The following COBL variants were observed in gnomAD, a reference collection of about 807,000 sequenced individuals.
COBL encodes cordon-bleu WH2 repeat protein, also known as protein cordon-bleu.
A neutral mutation model predicts 98.8 loss-of-function variants in COBL; 51 were observed. That is an observed-to-expected ratio of 0.52 (90% CI 0.41 to 0.65). The LOEUF is 0.65. Ranked by LOEUF, COBL falls within the 30% of genes least tolerant of loss-of-function variation. The pLI, the probability that COBL is intolerant of heterozygous loss-of-function variation, is 0.00. For synonymous variants in COBL, 634 were observed against 651.7 expected (o/e 0.97, Z 0.41); for missense variants, 1,617 against 1,617.5 (o/e 1.00, Z 0.01).
chr7:51,060,053 T>G (rs1791173866), intron 7 of COBL, among the ~76,000 whole-genome samples: 2 of 151,854 alleles, frequency 1.3e-5, no homozygotes, highest in South Asian at 4.2e-4. Flanking sequence ...CCTCCATGAG[T>G]CGATCTGATC....
chr7:51,023,008 G>A (rs1787099197), intron 12 of COBL: 1 of 152,140 alleles, frequency 6.6e-6, no homozygotes, highest in South Asian at 2.1e-4. Context: ...TGTACCCTGG[G>A]ATCAGTAGAG....
chr7:51,043,762 C>T lies in COBL; in HGVS notation c.1097-70G>A, dbSNP rs2128889530. The stretch of plus-strand genomic sequence containing the variant: ...CGTCCATACTGCCTAACAAGTGTGA[C>T]ATCAGTCTGTCGGCCCCGCTCTAAA... On this transcript the variant is annotated intron_variant, in intron 7 of 12. Coordinates refer to ENST00000265136, the MANE Select transcript of COBL (RefSeq NM_015198.5). 4 of 1,380,518 alleles carry T rather than the reference C, an allele frequency of 2.9e-6. No homozygotes were observed. The East Asian group carries it at 9.2e-5, about 32-fold the overall frequency. 85.5% of individuals were successfully genotyped at this position (1,380,518 alleles called of 1,614,324 possible).
intron 6 of COBL, among the ~76,000 whole-genome samples, chr7:51,119,100 T>C (rs114577876): frequency 0.023 from 3,535 of 152,220 alleles, 135 homozygotes; most frequent in African/African-American, 0.076. Context: ...TTCAGACACA[T>C]AAAAAGGTTA....
intron 5 of COBL, among the ~76,000 whole-genome samples, chr7:51,171,523 G>A (rs756402169): frequency 3.3e-5 from 5 of 152,064 alleles, no homozygotes; most frequent in Non-Finnish European, 7.4e-5. Flanking sequence ...AGTAAATCAC[G>A]TTCAAACACA....
At chr7:51,185,200 G>A (rs144718750) in intron 4 of COBL, among the ~76,000 whole-genome samples, 12 of 152,330 alleles carry the variant, frequency 7.9e-5, no homozygotes, top group African/African-American at 2.6e-4. Context: ...TTCCCAAAGC[G>A]AGATGGAACC....
chr7:51,237,078 A>T (rs1795323640), intron 1 of COBL, among the ~76,000 whole-genome samples: 1 of 152,162 alleles, frequency 6.6e-6, no homozygotes, highest in South Asian at 2.1e-4. Context: ...TTTCAAATCA[A>T]AACAGAAATG....
intron 6 of COBL, among the ~76,000 whole-genome samples, chr7:51,086,373 A>G (rs1794245126): frequency 6.6e-6 from 1 of 151,278 alleles, no homozygotes; most frequent in Non-Finnish European, 1.5e-5. Context: ...AAAAAAAAAA[A>G]AAAAAAAAAA....
intron 1 of COBL, among the ~76,000 whole-genome samples, chr7:51,243,231 C>T (rs928608485): frequency 2.0e-5 from 3 of 152,168 alleles, no homozygotes; most frequent in Non-Finnish European, 2.9e-5. Context: ...GTTGTGGCCT[C>T]GCTGCACTGA....
chr7:51,074,591 T>C (rs534061422), intron 7 of COBL, among the ~76,000 whole-genome samples: 22 of 152,352 alleles, frequency 1.4e-4, no homozygotes, highest in Non-Finnish European at 2.4e-4. Flanking sequence ...TTCTTCAACA[T>C]GGTTTTTATA....
rs368250774 is a variant in COBL at position 51,208,323 on chromosome 7, C to T, written c.245+11418G>A. ...GAGCGTCTCCGCCCGGCAGCCACCC[C>T]GTCCAGGAGGGAGGTAGGGGGTCAG... On this transcript the variant is annotated intron_variant, in intron 2 of 12. Transcript: ENST00000265136. 8.0e-3 allele frequency among the ~76,000 whole-genome samples: 1,216 copies of T among 151,694 alleles called. 63 individuals are homozygous for T. The South Asian group carries it at 0.14, about 18-fold the overall frequency.
chr7:51,206,457 A>G (rs1348857625), intron 2 of COBL, among the ~76,000 whole-genome samples: 1 of 148,634 alleles, frequency 6.7e-6, no homozygotes, highest in Non-Finnish European at 1.5e-5. Flanking sequence ...GCGCCACTAT[A>G]TTCCAGCCTG....
chr7:51,289,193 T>C (rs1180686780), intron 1 of COBL, among the ~76,000 whole-genome samples: 1 of 152,254 alleles, frequency 6.6e-6, no homozygotes, highest in Non-Finnish European at 1.5e-5. Flanking sequence ...AATAGTCTTT[T>C]CAACAAATGA....
At chr7:51,179,047 T>C (rs956548644) in intron 5 of COBL, among the ~76,000 whole-genome samples, 1 of 152,246 alleles carries the variant, frequency 6.6e-6, no homozygotes, top group Non-Finnish European at 1.5e-5. Flanking sequence ...TTGACAAACT[T>C]CCTAAAATGA....
intron 12 of COBL, among the ~76,000 whole-genome samples, chr7:51,018,896 AAAAAAAAAAATATATATATAT>A (rs1562795516): frequency 5.9e-5 from 3 of 51,160 alleles, no homozygotes; most frequent in African/African-American, 2.4e-4. Context: ...CATCTCAAAA[AAAAAAAAAAATATATATATAT>A]ATATATATAT....
intron 12 of COBL, among the ~76,000 whole-genome samples, chr7:51,023,700 C>G (rs976269700): frequency 6.6e-6 from 1 of 152,244 alleles, no homozygotes; most frequent in Non-Finnish European, 1.5e-5. Context: ...ATTCTCAGTG[C>G]CCCGAGGCTT....
At chr7:51,314,197 G>A (rs1295693353) in intron 1 of COBL, among the ~76,000 whole-genome samples, 1 of 152,170 alleles carries the variant, frequency 6.6e-6, no homozygotes, top group Non-Finnish European at 1.5e-5. Flanking sequence ...GTGAAATCTC[G>A]TTAATTCACT....
At chr7:51,310,008 A>AGCCTGAGACCCCAGGTGAG (rs1276411947) in intron 1 of COBL, among the ~76,000 whole-genome samples, 1 of 152,248 alleles carries the variant, frequency 6.6e-6, no homozygotes, top group Non-Finnish European at 1.5e-5. Flanking sequence ...TGAGAGAGAA[A>AGCCTGAGACCCCAGGTGAG]GCCTGAGACC....
At chr7:51,301,384 G>C (rs1021293164) in intron 1 of COBL, among the ~76,000 whole-genome samples, 1 of 152,140 alleles carries the variant, frequency 6.6e-6, no homozygotes, top group Non-Finnish European at 1.5e-5. Flanking sequence ...ACTCTGTGAC[G>C]GGGAACTGCC....
chr7:51,202,478 A>T (rs1791225307), intron 2 of COBL, among the ~76,000 whole-genome samples: 1 of 152,222 alleles, frequency 6.6e-6, no homozygotes, highest in Non-Finnish European at 1.5e-5. Flanking sequence ...ATAGGAAAAA[A>T]CATGGTATAT....
Sources: allele counts gnomAD v4.1 joint callset (sites outside exome capture counted in the v4.1 genomes callset), GRCh38; gene constraint gnomAD v4.1.1; transcripts MANE v1.5; gene names NCBI Gene and HGNC (gene_info 2026-07-23, HGNC 2026-07-21).